CAMK1D: variants seen among roughly 807,000 people sequenced by gnomAD.
CAMK1D encodes the protein calcium/calmodulin dependent protein kinase ID.
Under a neutral mutation model 47.7 loss-of-function variants are expected in CAMK1D, and 9 were observed. That is an observed-to-expected ratio of 0.19 (90% confidence interval 0.11 to 0.33). The LOEUF (loss-of-function observed/expected upper bound fraction) is 0.33. CAMK1D is among the 10% of genes least tolerant of loss of function. The probability of loss-of-function intolerance (pLI) is 1.00; values close to 1 mark genes in which losing one functional copy is unlikely to be tolerated. For missense variants in CAMK1D, 291 were observed against 488.7 expected (o/e 0.60, Z 3.81); for synonymous variants, 184 against 184.9 (o/e 0.99, Z 0.04).
chr10:12,798,711 A>G (rs1838298605), intron 6 of CAMK1D, among the ~76,000 whole-genome samples: 1 of 152,234 alleles, frequency 6.6e-6, no homozygotes, highest in Non-Finnish European at 1.5e-5. Context: ...GATGCCATTC[A>G]ATTAGAAACA....
chr10:12,540,465 T>G (rs1171544924), intron 1 of CAMK1D, among the ~76,000 whole-genome samples: 1 of 152,190 alleles, frequency 6.6e-6, no homozygotes, highest in African/African-American at 2.4e-5. Flanking sequence ...CATGTGGAAT[T>G]TATTTGTCTT....
intron 1 of CAMK1D, among the ~76,000 whole-genome samples, chr10:12,395,106 C>CTATT (rs1441150025): frequency 7.6e-6 from 1 of 130,768 alleles, no homozygotes; most frequent in African/African-American, 2.9e-5. Flanking sequence ...GGGTCTCACT[C>CTATT]TATTGCCCAG....
Position 12,654,307 on chromosome 10 carries a change from A to G in CAMK1D, c.225-12429A>G, listed in dbSNP as rs193269178. Among the ~76,000 whole-genome samples, 593 of 152,314 alleles carry G rather than the reference A, an allele frequency of 3.9e-3. 7 individuals carry two copies. The highest frequency in any genetic ancestry group is 0.013 in the African/African-American group (547 of 41,562). ...AAGCTTTCTGAGATTTCCCTTTCTA[A>G]GGTGATTTGGTGTATGTGGGTTCTC... is the stretch of plus-strand genomic sequence containing the variant. On this transcript the variant is annotated intron_variant, in intron 2 of 10. Coordinates refer to ENST00000619168, the MANE Select transcript of CAMK1D (RefSeq NM_153498.4).
Position 12,551,354 on chromosome 10 carries a change from C to T in CAMK1D, c.93-1871C>T, listed in dbSNP as rs866994483. The stretch of plus-strand genomic sequence containing the variant: ...ATCTGTCACTGTGTCCCATCACCCC[C>T]AGATGGGACCGACTAGTTGCAGGAA... On this transcript the variant is annotated intron_variant, in intron 1 of 10. Transcript: ENST00000619168. Among the ~76,000 whole-genome samples the T allele has an allele frequency of 7.2e-5, 11 of 152,320 alleles. No individual in the cohort carries two copies. The South Asian group carries it at 1.0e-3, about 14-fold the overall frequency.
At chr10:12,763,346 G>T (rs544628110) in intron 4 of CAMK1D, among the ~76,000 whole-genome samples, 13 of 152,320 alleles carry the variant, frequency 8.5e-5, no homozygotes, top group Admixed American at 4.6e-4. Context: ...TAAGCTTAGT[G>T]CAGCAATCGG....
chr10:12,656,907 C>T (rs1840133429), intron 2 of CAMK1D, among the ~76,000 whole-genome samples: 1 of 152,088 alleles, frequency 6.6e-6, no homozygotes. Flanking sequence ...AACAAGATGA[C>T]ATATTTTGAT....
intron 3 of CAMK1D, among the ~76,000 whole-genome samples, chr10:12,734,982 T>C (rs1018184166): frequency 6.6e-6 from 1 of 152,162 alleles, no homozygotes; most frequent in African/African-American, 2.4e-5. Context: ...TTGTTTCACA[T>C]TTGTGCAGTG....
intron 3 of CAMK1D, among the ~76,000 whole-genome samples, chr10:12,676,271 T>G (rs1840806756): frequency 6.6e-6 from 1 of 152,212 alleles, no homozygotes; most frequent in Non-Finnish European, 1.5e-5. Context: ...CTTATCTTAA[T>G]GCTATCATGG....
At chr10:12,732,840 G>A (rs1834958364) in intron 3 of CAMK1D, among the ~76,000 whole-genome samples, 1 of 152,048 alleles carries the variant, frequency 6.6e-6, no homozygotes, top group African/African-American at 2.4e-5. Flanking sequence ...TGATTACAGT[G>A]CAGGCGATGG....
rs141459959 is a variant in CAMK1D at position 12,708,597 on chromosome 10, G to A, written c.299+41787G>A. On this transcript the variant is annotated intron_variant, in intron 3 of 10. Transcript: ENST00000619168. The stretch of plus-strand genomic sequence containing the variant: ...AGACGGCCTCAGCAAAAGAGTTGAC[G>A]CTTTGCCTGTAATATAATTTGCATG... Among the ~76,000 whole-genome samples, 656 of 152,256 alleles carry A rather than the reference G, an allele frequency of 4.3e-3. 5 individuals carry two copies. The highest frequency in any genetic ancestry group is 0.013 in the African/African-American group (558 of 41,546).
At chr10:12,828,666 CCG>C in intron 10 of CAMK1D, 101 bp from the exon 11 acceptor site, 1 of 837,604 alleles carries the variant, frequency 1.2e-6, no homozygotes, top group South Asian at 1.4e-5. Flanking sequence ...TTGGGCCCCC[CCG>C]CCCCCCACCA....
chr10:12,697,769 T>G (rs1833355559), intron 3 of CAMK1D, among the ~76,000 whole-genome samples: 1 of 152,164 alleles, frequency 6.6e-6, no homozygotes, highest in Non-Finnish European at 1.5e-5. Context: ...TTCCTGCATT[T>G]CACCGAAGTT....
chr10:12,481,135 C>G (rs1424621328), intron 1 of CAMK1D, among the ~76,000 whole-genome samples: 1 of 152,212 alleles, frequency 6.6e-6, no homozygotes, highest in Non-Finnish European at 1.5e-5. Context: ...TAAATTGTTA[C>G]CAGCCATTAT....
At chr10:12,406,807 A>G (rs1055463892) in intron 1 of CAMK1D, among the ~76,000 whole-genome samples, 2 of 147,974 alleles carry the variant, frequency 1.4e-5, no homozygotes, top group Non-Finnish European at 3.0e-5. Context: ...GGCATCCTCC[A>G]TTGCTGCGTA....
At chr10:12,822,233 G>A (rs772886843) in intron 8 of CAMK1D, among the ~76,000 whole-genome samples, 8 of 152,148 alleles carry the variant, frequency 5.3e-5, no homozygotes, top group Non-Finnish European at 8.8e-5. Context: ...ATGGGTCACC[G>A]TTGTCATTGC....
At chr10:12,528,937 T>G (rs1835716214) in intron 1 of CAMK1D, among the ~76,000 whole-genome samples, 1 of 151,854 alleles carries the variant, frequency 6.6e-6, no homozygotes, top group African/African-American at 2.4e-5. Flanking sequence ...AGATAGTGTC[T>G]CACCTTGTTG....
At chr10:12,732,322 A>G (rs1022548275) in intron 3 of CAMK1D, among the ~76,000 whole-genome samples, 2 of 152,224 alleles carry the variant, frequency 1.3e-5, no homozygotes, top group Non-Finnish European at 2.9e-5. Flanking sequence ...GTTTGTAGGT[A>G]TCAAGATAGG....
chr10:12,742,612 C>G (rs1248414462), intron 3 of CAMK1D, among the ~76,000 whole-genome samples: 1 of 152,186 alleles, frequency 6.6e-6, no homozygotes, highest in Non-Finnish European at 1.5e-5. Context: ...TGAAGCAAAT[C>G]ACGTGAGCTG....
At chr10:12,723,663 C>G (rs1449833505) in intron 3 of CAMK1D, among the ~76,000 whole-genome samples, 1 of 152,020 alleles carries the variant, frequency 6.6e-6, no homozygotes. Flanking sequence ...GCATTTTTTT[C>G]TATTAAAATA....
Sources: allele counts gnomAD v4.1 joint callset (sites outside exome capture counted in the v4.1 genomes callset), GRCh38; gene constraint gnomAD v4.1.1; transcripts MANE v1.5; gene names NCBI Gene and HGNC (gene_info 2026-07-23, HGNC 2026-07-21).